The following ADGRA1 variants were observed in gnomAD, a reference collection of about 807,000 sequenced individuals.
ADGRA1 encodes adhesion G protein-coupled receptor A1.
A neutral mutation model predicts 21.3 loss-of-function variants in ADGRA1; 12 were observed. The ratio of observed to expected loss-of-function variants is 0.56; its 90% confidence interval spans 0.36 to 0.91. The LOEUF is 0.91. Ranked by LOEUF, ADGRA1 falls within the 40% of genes least tolerant of loss-of-function variation. ADGRA1 has a pLI of 0.01. For missense variants in ADGRA1, 790 were observed against 805.6 expected (o/e 0.98, Z 0.23); for synonymous variants, 385 against 368.8 (o/e 1.04, Z -0.50).
intron 2 of ADGRA1, among the ~76,000 whole-genome samples, chr10:133,092,313 C>G (rs1165297086): frequency 6.6e-6 from 1 of 152,210 alleles, no homozygotes; most frequent in Non-Finnish European, 1.5e-5. Context: ...GAGAGTTTGT[C>G]ATCCCACCTC....
chr10:133,129,807 G>A lies in ADGRA1; in HGVS notation c.*296G>A. On this transcript the variant is annotated 3_prime_UTR_variant, in exon 7 of 7. Transcript: ENST00000392607. ...TGCTGGTCCCGCACACGGTCATCCG[G>A]TTTCTGTCCTGTGGTCTCCAGTCCT... The A allele has an allele frequency of 2.6e-6, 1 of 385,002 alleles. No homozygotes were observed. The highest frequency in any genetic ancestry group is 4.1e-5 in the Admixed American group (1 of 24,542). The allele number at this position is 385,002 out of a possible 1,614,324, so 23.8% of individuals were successfully genotyped here.
In ADGRA1 at chr10:133,129,615, A is replaced by G; in HGVS notation, c.*104A>G. 1.1e-6 allele frequency: 1 copy of G among 913,840 alleles called. No individual in the cohort carries two copies. Among genetic ancestry groups the G allele is most frequent in the Non-Finnish European group, 1.6e-6 (1 of 642,014 alleles). 56.6% of individuals were successfully genotyped at this position (913,840 alleles called of 1,614,324 possible). On this transcript the variant is annotated 3_prime_UTR_variant, in exon 7 of 7. Coordinates refer to ENST00000392607, the MANE Select transcript of ADGRA1 (RefSeq NM_001083909.3). ...GGGTACCGAAGTGACCCCGCCTTTCAGAAGCCGTTCACACCCCTGCCCCTT... is the reference window on the plus strand; with the variant it reads ...GGGTACCGAAGTGACCCCGCCTTTCGGAAGCCGTTCACACCCCTGCCCCTT...
At chr10:133,100,627 A>G (rs935706325) in intron 4 of ADGRA1, among the ~76,000 whole-genome samples, 1 of 152,230 alleles carries the variant, frequency 6.6e-6, no homozygotes, top group South Asian at 2.1e-4. Flanking sequence ...AACAGCCATC[A>G]GGAGGAAATG....
chr10:133,127,160 G>A, intron 5 of ADGRA1, 73 bp from the exon 6 acceptor site: 2 of 955,074 alleles, frequency 2.1e-6, no homozygotes, highest in Non-Finnish European at 1.5e-6. Flanking sequence ...CCGCGGAGTG[G>A]GGGAGGGACA....
chr10:133,102,248 C>A, intron 4 of ADGRA1: 1 of 472,748 alleles, frequency 2.1e-6, no homozygotes, highest in East Asian at 6.4e-5. Flanking sequence ...ATGCCGTCCC[C>A]GTGGGGGGCT....
intron 4 of ADGRA1, among the ~76,000 whole-genome samples, chr10:133,101,855 C>G (rs140062229): frequency 1.8e-3 from 270 of 152,314 alleles, no homozygotes; most frequent in Admixed American, 4.1e-3. Flanking sequence ...AAACTGCAAA[C>G]GCAGCCCTCC....
chr10:133,118,899 C>T (rs1315390207), intron 5 of ADGRA1, among the ~76,000 whole-genome samples: 1 of 146,898 alleles, frequency 6.8e-6, no homozygotes, highest in Non-Finnish European at 1.5e-5. Flanking sequence ...CTTACACTCA[C>T]ACACGTACAC....
In ADGRA1 at chr10:133,092,930, G is replaced by A. The variant is rs939024127; in HGVS notation, c.3+4018G>A. ...AGGAGAAGGAGGACTGGAAGCACCT[G>A]GGAGGATATGTGTTCCTTCCTCAGC... On this transcript the variant is annotated intron_variant, in intron 2 of 6. Transcript: ENST00000392607. The A allele has an allele frequency of 4.5e-6, 7 of 1,556,938 alleles. No individual in the cohort carries two copies. In the African/African-American group the frequency reaches 5.4e-5, roughly 12 times the overall value.
intron 5 of ADGRA1, among the ~76,000 whole-genome samples, chr10:133,119,511 C>G (rs1221169315): frequency 6.6e-6 from 1 of 152,246 alleles, no homozygotes; most frequent in African/African-American, 2.4e-5. Flanking sequence ...GAACTTCTTT[C>G]AAAACTGGAG....
At chr10:133,118,663 C>T (rs1012409972) in intron 5 of ADGRA1, among the ~76,000 whole-genome samples, 1 of 152,150 alleles carries the variant, frequency 6.6e-6, no homozygotes, top group Non-Finnish European at 1.5e-5. Context: ...TGAGGGAAGC[C>T]GCCCCCTGAT....
chr10:133,115,098 C>T (rs561114145), intron 5 of ADGRA1, among the ~76,000 whole-genome samples: 5 of 152,258 alleles, frequency 3.3e-5, no homozygotes, highest in Non-Finnish European at 5.9e-5. Context: ...GGGGCTTCAT[C>T]GAGAGGGTCC....
intron 2 of ADGRA1, among the ~76,000 whole-genome samples, chr10:133,092,744 AG>A: frequency 2.4e-5 from 2 of 82,616 alleles, no homozygotes; most frequent in African/African-American, 9.5e-5. Context: ...AAGGAGAAAT[AG>A]GGAGGGAGGA....
At position 133,129,362 on chromosome 10, in the gene ADGRA1, G is replaced by A; in HGVS notation, c.1534G>A (p.Glu512Lys). 6.3e-7 allele frequency: 1 copy of A among 1,596,862 alleles called. No homozygotes were observed. Among genetic ancestry groups the A allele is most frequent in the Non-Finnish European group, 8.5e-7 (1 of 1,173,914 alleles). The stretch of plus-strand genomic sequence containing the variant: ...GGCAGCGCTCGGGCCCGGCCACTTG[G>A]AGATGCTGCGGAGGACACAGTCCCT... ...REAALGPGHLEMLRRTQSLPF... is the reference protein window; with the variant it reads ...REAALGPGHLKMLRRTQSLPF... Residue 512 changes from glutamate (E) to lysine (K), a missense_variant, in exon 7 of 7, where the codon GAG becomes AAG. By Grantham distance (56) the Glu-to-Lys change is moderately conservative (BLOSUM62 1). Around this residue, in one of 3 missense-constraint regions of ADGRA1, gnomAD observed 391 missense variants for 351.5 expected, o/e 1.11. Coordinates refer to ENST00000392607, the MANE Select transcript of ADGRA1 (RefSeq NM_001083909.3).
At chr10:133,099,819 G>A (rs940735494) in intron 4 of ADGRA1, among the ~76,000 whole-genome samples, 5 of 152,232 alleles carry the variant, frequency 3.3e-5, no homozygotes, top group Non-Finnish European at 5.9e-5. Context: ...GGGCTGCCAC[G>A]GACTGCAGGG....
At chr10:133,115,784 C>T (rs569756345) in intron 5 of ADGRA1, among the ~76,000 whole-genome samples, 4 of 152,272 alleles carry the variant, frequency 2.6e-5, no homozygotes, top group African/African-American at 7.2e-5. Context: ...AAGAGGGCCA[C>T]GTTCCCTTGT....
intron 1 of ADGRA1, 46 bp downstream of exon 1, chr10:133,088,184 C>T (rs1851534371): frequency 1.2e-5 from 11 of 887,942 alleles, no homozygotes; most frequent in Non-Finnish European, 1.2e-5. Context: ...ACGCGCGGGG[C>T]CGCGGCTCGG....
intron 2 of ADGRA1, among the ~76,000 whole-genome samples, chr10:133,094,377 G>A (rs1372469846): frequency 1.3e-5 from 2 of 152,210 alleles, no homozygotes; most frequent in East Asian, 1.9e-4. Flanking sequence ...GACAGGACGC[G>A]GCTCGCAGGC....
At chr10:133,126,041 A>C in intron 5 of ADGRA1, among the ~76,000 whole-genome samples, 1 of 152,144 alleles carries the variant, frequency 6.6e-6, no homozygotes. Flanking sequence ...TTCCTTCCGC[A>C]CAGTCCAAGT....
At chr10:133,113,166 A>G (rs200002586) in intron 5 of ADGRA1, among the ~76,000 whole-genome samples, 9 of 28,828 alleles carry the variant, frequency 3.1e-4, no homozygotes, top group East Asian at 2.1e-3. Flanking sequence ...GAGGTCTGTA[A>G]GCCGCGTCGG....
Sources: gnomAD v4.1 joint callset for allele counts (sites outside exome capture counted in the v4.1 genomes callset) on GRCh38, gnomAD v4.1.1 for gene constraint, gnomAD v4.1.1 regional missense constraint, MANE v1.5 for transcripts, NCBI Gene and HGNC (gene_info 2026-07-23, HGNC 2026-07-21) for gene names.